The following ARHGAP10 variants were observed in gnomAD, a reference collection of about 807,000 sequenced individuals.
The protein encoded by ARHGAP10 is Rho GTPase activating protein 10.
A neutral mutation model predicts 108.6 loss-of-function variants in ARHGAP10; 87 were observed. The ratio of observed to expected loss-of-function variants is 0.80; its 90% confidence interval spans 0.67 to 0.96. ARHGAP10 has a LOEUF of 0.96. ARHGAP10 is among the 40% of genes least tolerant of loss of function. ARHGAP10 has a pLI of 0.00. For missense variants in ARHGAP10, 939 were observed against 954.5 expected (o/e 0.98, Z 0.21); for synonymous variants, 347 against 341.1 (o/e 1.02, Z -0.19).
chr4:147,752,817 G>A (rs537894187), intron 1 of ARHGAP10, among the ~76,000 whole-genome samples: 6 of 152,302 alleles, frequency 3.9e-5, no homozygotes, highest in East Asian at 1.9e-4. Flanking sequence ...GTGAGCTGCC[G>A]CACCTGGCCT....
intron 1 of ARHGAP10, among the ~76,000 whole-genome samples, chr4:147,742,042 A>G (rs1339159497): frequency 6.6e-6 from 1 of 151,936 alleles, no homozygotes; most frequent in Non-Finnish European, 1.5e-5. Context: ...ACCCACAGGC[A>G]TCTTCTACCC....
At chr4:148,017,019 G>A (rs1176251803) in intron 18 of ARHGAP10, among the ~76,000 whole-genome samples, 1 of 151,508 alleles carries the variant, frequency 6.6e-6, no homozygotes, top group Non-Finnish European at 1.5e-5. Context: ...GCTGGGCGTG[G>A]TGGTACATGC....
intron 19 of ARHGAP10, among the ~76,000 whole-genome samples, chr4:148,029,911 T>C (rs962735249): frequency 6.6e-6 from 1 of 152,162 alleles, no homozygotes; most frequent in Admixed American, 6.5e-5. Flanking sequence ...AGGGCTGTAA[T>C]TGAGTTGTGG....
chr4:147,903,696 A>T (rs1579181462), intron 10 of ARHGAP10, among the ~76,000 whole-genome samples: 1 of 152,170 alleles, frequency 6.6e-6, no homozygotes, highest in African/African-American at 2.4e-5. Flanking sequence ...CATCTACTTG[A>T]ATCACACAGT....
At chr4:147,828,216 G>T (rs1490131129) in intron 3 of ARHGAP10, among the ~76,000 whole-genome samples, 1 of 152,190 alleles carries the variant, frequency 6.6e-6, no homozygotes, top group African/African-American at 2.4e-5. Context: ...TCATTAAAAT[G>T]TTAAAACTAC....
chr4:147,906,086 C>T (rs1470823934), intron 10 of ARHGAP10, among the ~76,000 whole-genome samples: 1 of 151,546 alleles, frequency 6.6e-6, no homozygotes, highest in African/African-American at 2.4e-5. Context: ...GATTTTGTAT[C>T]CTGAGACTTT....
At position 147,914,826 on chromosome 4, in the gene ARHGAP10, G is replaced by A. The variant is rs550470801; in HGVS notation, c.1228+1687G>A. ...AAATTTAGGGAAAACTAATTCCTCC[G>A]CTGACCAATAACCCAAAACATTTTT... On this transcript the variant is annotated intron_variant, in intron 13 of 22. Coordinates refer to ENST00000336498, the MANE Select transcript of ARHGAP10 (RefSeq NM_024605.4). Among the ~76,000 whole-genome samples, 3 of 152,080 alleles carry A rather than the reference G, an allele frequency of 2.0e-5. No individual in the cohort carries two copies. In the South Asian group the frequency reaches 6.2e-4, roughly 32 times the overall value.
At chr4:147,797,113 C>G (rs1169610006) in intron 1 of ARHGAP10, among the ~76,000 whole-genome samples, 21 of 152,306 alleles carry the variant, frequency 1.4e-4, no homozygotes, top group Non-Finnish European at 1.0e-4. Context: ...GTTGTTAAAT[C>G]AAAAGGAACT....
At position 148,025,814 on chromosome 4, in the gene ARHGAP10, T is replaced by C. The variant is rs185751287; in HGVS notation, c.1867+2401T>C. Among the ~76,000 whole-genome samples the C allele has an allele frequency of 5.3e-5, 8 of 152,294 alleles. No individual in the cohort carries two copies. The East Asian group carries it at 1.5e-3, about 29-fold the overall frequency. On this transcript the variant is annotated intron_variant, in intron 19 of 22. Coordinates refer to ENST00000336498, the MANE Select transcript of ARHGAP10 (RefSeq NM_024605.4). The stretch of plus-strand genomic sequence containing the variant: ...TTTCAAAAAGTTTAATTTTTTTGTA[T>C]TTTTTTCTTATTTTAGTAGTGAAGT...
At chr4:147,734,125 A>G (rs4835093) in intron 1 of ARHGAP10, among the ~76,000 whole-genome samples, 113,880 of 152,002 alleles carry the variant, frequency 0.75, 46,162 homozygotes, top group Non-Finnish European at 0.89. Flanking sequence ...TGTTAACCAG[A>G]GTCAGTGGCC....
chr4:147,866,972 G>A (rs1734592999), intron 7 of ARHGAP10, among the ~76,000 whole-genome samples, 156 bp downstream of exon 7: 1 of 152,210 alleles, frequency 6.6e-6, no homozygotes, highest in African/African-American at 2.4e-5. Flanking sequence ...CTCTTGGTGT[G>A]ACCAACTGCT....
At chr4:148,038,786 C>A (rs1728492903) in intron 19 of ARHGAP10, among the ~76,000 whole-genome samples, 1 of 152,280 alleles carries the variant, frequency 6.6e-6, no homozygotes, top group East Asian at 1.9e-4. Context: ...GTTGTGCTCA[C>A]CCTCCGCTGG....
chr4:147,733,348 G>T (rs971252095), intron 1 of ARHGAP10, among the ~76,000 whole-genome samples: 3 of 152,220 alleles, frequency 2.0e-5, no homozygotes, highest in Non-Finnish European at 2.9e-5. Flanking sequence ...ATTAGCCCCA[G>T]TGAGGAGCTG....
chr4:147,915,322 G>A (rs191525667), intron 13 of ARHGAP10, among the ~76,000 whole-genome samples: 6 of 152,218 alleles, frequency 3.9e-5, no homozygotes, highest in Admixed American at 3.3e-4. Context: ...TCTTATCCTG[G>A]TACCTCGAAA....
Position 147,871,659 on chromosome 4 carries a change from T to G in ARHGAP10, c.703-3362T>G, listed in dbSNP as rs1168643136. Among the ~76,000 whole-genome samples the G allele has an allele frequency of 2.6e-5, 4 of 152,312 alleles. No individual in the cohort carries two copies. In the South Asian group the frequency reaches 8.3e-4, roughly 32 times the overall value. ...ACCATGTAAATGCTCAAATGTTACC[T>G]ATTGTAACGTTTGGGGTCTAACATT... On this transcript the variant is annotated intron_variant, in intron 7 of 22. Coordinates refer to ENST00000336498, the MANE Select transcript of ARHGAP10 (RefSeq NM_024605.4).
intron 20 of ARHGAP10, among the ~76,000 whole-genome samples, chr4:148,060,595 C>T (rs938048362): frequency 1.3e-5 from 2 of 152,200 alleles, no homozygotes; most frequent in East Asian, 3.9e-4. Flanking sequence ...TCTTCTTTCA[C>T]AGGCTTCCAG....
chr4:147,844,541 G>T (rs942690820), intron 3 of ARHGAP10, among the ~76,000 whole-genome samples: 1 of 152,046 alleles, frequency 6.6e-6, no homozygotes, highest in Admixed American at 6.6e-5. Context: ...GAGTTCAATT[G>T]TTTTGATTTT....
intron 15 of ARHGAP10, among the ~76,000 whole-genome samples, chr4:147,952,236 T>G (rs1481955618): frequency 6.6e-6 from 1 of 152,202 alleles, no homozygotes; most frequent in African/African-American, 2.4e-5. Flanking sequence ...ATACCTATAT[T>G]TGAGTGGACG....
At chr4:147,972,785 A>G (rs542209056) in intron 18 of ARHGAP10, among the ~76,000 whole-genome samples, 1 of 151,242 alleles carries the variant, frequency 6.6e-6, no homozygotes, top group Admixed American at 6.6e-5. Context: ...ACGGAGTTTC[A>G]TGCTTGTTGC....
Sources: allele counts gnomAD v4.1 joint callset (sites outside exome capture counted in the v4.1 genomes callset), GRCh38; gene constraint gnomAD v4.1.1; transcripts MANE v1.5; gene names NCBI Gene and HGNC (gene_info 2026-07-23, HGNC 2026-07-21).